The following FAM234B variants were observed in gnomAD, a reference collection of about 807,000 sequenced individuals.
FAM234B encodes the protein family with sequence similarity 234 member B, also known as protein FAM234B.
A neutral mutation model predicts 69.3 loss-of-function variants in FAM234B; 33 were observed. The observed-to-expected ratio is 0.48, with a 90% CI of 0.36 to 0.64. The LOEUF is 0.64. FAM234B is among the 30% of genes least tolerant of loss of function. FAM234B has a pLI of 0.00. For synonymous variants in FAM234B, 306 were observed against 306.9 expected, an observed-to-expected ratio of 1.00 and a Z score of 0.03; for missense variants, 697 against 769.7, an observed-to-expected ratio of 0.91 and a Z score of 1.12.
intron 1 of FAM234B, among the ~76,000 whole-genome samples, chr12:13,054,403 G>C (rs1336453958): frequency 6.6e-6 from 1 of 152,126 alleles, no homozygotes; most frequent in Non-Finnish European, 1.5e-5. Flanking sequence ...TGGGGTCCTT[G>C]CCTTCCCGCA....
intron 4 of FAM234B, 89 bp downstream of exon 4, chr12:13,061,852 C>CCACCACGTGAGAG: frequency 1.8e-6 from 2 of 1,097,474 alleles, no homozygotes; most frequent in Non-Finnish European, 2.6e-6. Flanking sequence ...CCTTTTGACT[C>CCACCACGTGAGAG]TCACGTGGTG....
intron 3 of FAM234B, among the ~76,000 whole-genome samples, chr12:13,059,004 C>G (rs1377016947): frequency 6.6e-6 from 1 of 152,206 alleles, no homozygotes; most frequent in Non-Finnish European, 1.5e-5. Flanking sequence ...TTTCCTTTCC[C>G]CCTTCAGTTT....
At chr12:13,063,846 C>T (rs183146440) in intron 5 of FAM234B, among the ~76,000 whole-genome samples, 8 of 152,258 alleles carry the variant, frequency 5.3e-5, no homozygotes, top group Non-Finnish European at 7.4e-5. Context: ...GTCAAACAAT[C>T]GGCAAAGAAT....
Position 13,076,052 on chromosome 12 carries a change from C to A in FAM234B, c.1551C>A (p.Pro517=). Residue 517 remains proline (P), a synonymous_variant, in exon 11 of 13, where the codon CCC becomes CCA. Coordinates refer to ENST00000197268, the MANE Select transcript of FAM234B (RefSeq NM_020853.2). The stretch of plus-strand genomic sequence containing the variant: ...ATATCATCCTAGGAACTGAGCCGCC[C>A]AGCCTTCACCACCTTTACCTCCTGC... ...NSDIILGTEP[P]SLHHLYLLHP... is the part of the protein sequence containing the mutation. 1 of 1,614,132 alleles carries A rather than the reference C, an allele frequency of 6.2e-7. No individual in the cohort carries two copies. Among genetic ancestry groups the A allele is most frequent in the Non-Finnish European group, 8.5e-7 (1 of 1,179,990 alleles).
chr12:13,065,786 C>T (rs1352366424), intron 5 of FAM234B, among the ~76,000 whole-genome samples: 1 of 152,228 alleles, frequency 6.6e-6, no homozygotes, highest in Non-Finnish European at 1.5e-5. Context: ...AAAAACCTCC[C>T]TCTAGGCTAG....
At chr12:13,071,035 A>G (rs1865099441) in intron 9 of FAM234B, among the ~76,000 whole-genome samples, 2 of 152,202 alleles carry the variant, frequency 1.3e-5, no homozygotes, top group African/African-American at 2.4e-5. Context: ...AAATCTATTA[A>G]ATGGGAACAA....
intron 9 of FAM234B, among the ~76,000 whole-genome samples, chr12:13,070,252 A>G (rs1341620583): frequency 2.0e-5 from 3 of 149,578 alleles, no homozygotes; most frequent in African/African-American, 2.5e-5. Flanking sequence ...TTTTTAGTGC[A>G]GTGTCTCTAG....
rs375186544 is a variant in FAM234B, at chr12:13,076,012, C to A, written c.1525-14C>A. On this transcript the variant is annotated splice_polypyrimidine_tract_variant and intron_variant, in intron 10 of 12. Coordinates refer to ENST00000197268, the MANE Select transcript of FAM234B (RefSeq NM_020853.2). ...GCGTTACCTTTGCTCTTCCTTTTTG[C>A]TGCTTATTATCAGGATATCATCCTA... 100 of 1,588,748 alleles carry A rather than the reference C, an allele frequency of 6.3e-5. No homozygotes were observed. The East Asian group carries it at 1.7e-3, about 27-fold the overall frequency.
intron 1 of FAM234B, among the ~76,000 whole-genome samples, chr12:13,045,990 A>G (rs979601699): frequency 2.0e-5 from 3 of 152,044 alleles, no homozygotes; most frequent in African/African-American, 7.2e-5. Flanking sequence ...CTGGAGTATT[A>G]GTTGTAGGAA....
intron 1 of FAM234B, among the ~76,000 whole-genome samples, chr12:13,053,863 C>A (rs1273399461): frequency 6.6e-6 from 1 of 152,146 alleles, no homozygotes; most frequent in Non-Finnish European, 1.5e-5. Context: ...CCCAGAGCGA[C>A]CATTTGTAGA....
At chr12:13,049,912 T>C (rs1388615124) in intron 1 of FAM234B, among the ~76,000 whole-genome samples, 5 of 152,230 alleles carry the variant, frequency 3.3e-5, no homozygotes, top group Non-Finnish European at 7.3e-5. Context: ...TTATTACTTA[T>C]ATTTAAATGG....
chr12:13,074,428 G>C (rs538568417), intron 10 of FAM234B, among the ~76,000 whole-genome samples: 1 of 152,246 alleles, frequency 6.6e-6, no homozygotes, highest in African/African-American at 2.4e-5. Context: ...TCAAAGAGGG[G>C]GCCAAGGTGG....
In FAM234B at chr12:13,047,278, T is replaced by A. The variant is rs77002942; in HGVS notation, c.37+2838T>A. Among the ~76,000 whole-genome samples, 1,097 of 152,276 alleles carry A rather than the reference T, an allele frequency of 7.2e-3. 10 individuals carry two copies. The highest frequency in any genetic ancestry group is 0.023 in the African/African-American group (946 of 41,540). ...GCTTATCTCCTAAGTATATATATAT[T>A]TTTTTTCTTAGGCCATTTTAAAGTT... On this transcript the variant is annotated intron_variant, in intron 1 of 12. Transcript: ENST00000197268.
At chr12:13,068,996 G>A (rs189019461) in intron 9 of FAM234B, among the ~76,000 whole-genome samples, 2 of 152,034 alleles carry the variant, frequency 1.3e-5, no homozygotes, top group Non-Finnish European at 2.9e-5. Flanking sequence ...TCTCTTGGTG[G>A]GGAAAGACAG....
At chr12:13,071,918 G>A (rs1865110560) in intron 10 of FAM234B, among the ~76,000 whole-genome samples, 1 of 152,208 alleles carries the variant, frequency 6.6e-6, no homozygotes, top group South Asian at 2.1e-4. Flanking sequence ...CTAGAAGGCA[G>A]ATTTTAGAAA....
chr12:13,044,427 G>T lies in FAM234B; in HGVS notation c.24G>T (p.Ala8=). The T allele has an allele frequency of 1.3e-6, 2 of 1,551,660 alleles. No homozygotes were observed. Among genetic ancestry groups the T allele is most frequent in the Admixed American group, 2.0e-5 (1 of 51,218 alleles). ...CCATGGCGACCGTGCTGTCCAGGGC[G>T]CTCAAGCTGCCGGGTAAGGAGTCGC... is the stretch of plus-strand genomic sequence containing the variant. MATVLSR[A]LKLPGKKSPD... The change falls in exon 1 of 13, where the codon GCG becomes GCT. Residue 8 remains alanine, a synonymous_variant. Transcript: ENST00000197268. The surrounding 1 kb of genome is among the most constrained non-coding windows in gnomAD (Gnocchi z 5.6).
At chr12:13,077,376 C>T (rs1865173428) in intron 11 of FAM234B, among the ~76,000 whole-genome samples, 1 of 150,284 alleles carries the variant, frequency 6.7e-6, no homozygotes, top group Non-Finnish European at 1.5e-5. Context: ...CCCATTAACT[C>T]GTCATCTAGC....
At chr12:13,075,057 C>T (rs951863706) in intron 10 of FAM234B, among the ~76,000 whole-genome samples, 1 of 152,152 alleles carries the variant, frequency 6.6e-6, no homozygotes, top group Non-Finnish European at 1.5e-5. Flanking sequence ...AAGTCCCATC[C>T]CCACATAGAA....
chr12:13,080,668 G>C lies in FAM234B; in HGVS notation c.*38G>C, dbSNP rs1405187527. The C allele has an allele frequency of 6.4e-7, 1 of 1,558,564 alleles. No homozygotes were observed. Among genetic ancestry groups the C allele is most frequent in the Non-Finnish European group, 8.8e-7 (1 of 1,130,178 alleles). ...TTCAGTTGCAGAAGAAGTGAACAGAGTGGATACCCTCTCTACTCTCCTGTC... is the reference window on the plus strand; with the variant it reads ...TTCAGTTGCAGAAGAAGTGAACAGACTGGATACCCTCTCTACTCTCCTGTC... On this transcript the variant is annotated 3_prime_UTR_variant, in exon 13 of 13. Transcript: ENST00000197268.
Sources: allele counts gnomAD v4.1 joint callset (sites outside exome capture counted in the v4.1 genomes callset), GRCh38; gene constraint gnomAD v4.1.1; non-coding constraint Gnocchi (gnomAD v3.1); transcripts MANE v1.5; gene names NCBI Gene and HGNC (gene_info 2026-07-23, HGNC 2026-07-21).